The following PRDM2 variants were observed in gnomAD, a reference collection of about 807,000 sequenced individuals.
The protein encoded by PRDM2 is PR/SET domain 2, also known as PR domain zinc finger protein 2.
PRDM2 carries 30 observed loss-of-function variants against 130.0 expected under a neutral mutation model. The observed-to-expected ratio is 0.23, with a 90% CI of 0.17 to 0.31. The LOEUF (loss-of-function observed/expected upper bound fraction) is 0.31, where lower values mean the gene tolerates loss of function less well. PRDM2 is among the 10% of genes least tolerant of loss of function. The pLI is 1.00. For missense variants in PRDM2, 2,011 were observed against 2,108.4 expected (o/e 0.95, Z 0.90); for synonymous variants, 871 against 782.4 (o/e 1.11, Z -1.89).
chr1:13,755,947 CT>C (rs1643940066), intron 6 of PRDM2, among the ~76,000 whole-genome samples: 1 of 151,872 alleles, frequency 6.6e-6, no homozygotes, highest in Non-Finnish European at 1.5e-5. Context: ...TTAAAGTTGC[CT>C]CTAAAGAATT....
intron 5 of PRDM2, among the ~76,000 whole-genome samples, chr1:13,744,396 G>C (rs1044049385): frequency 2.0e-5 from 3 of 152,216 alleles, no homozygotes; most frequent in African/African-American, 7.2e-5. Context: ...ATGATTGCAT[G>C]GGTGAATACG....
At chr1:13,736,810 A>G (rs1050204259) in intron 4 of PRDM2, among the ~76,000 whole-genome samples, 2 of 152,130 alleles carry the variant, frequency 1.3e-5, no homozygotes, top group African/African-American at 2.4e-5. Flanking sequence ...ATTTTTGTAG[A>G]GGAAAACCAG....
At chr1:13,743,268 C>T (rs993194601) in intron 5 of PRDM2, among the ~76,000 whole-genome samples, 12 of 151,856 alleles carry the variant, frequency 7.9e-5, no homozygotes, top group African/African-American at 2.7e-4. Context: ...GGCATGGTGG[C>T]GGGCACCTGT....
At chr1:13,743,399 CAAAAAAAAAAAAAAA>C (rs70984282) in intron 5 of PRDM2, among the ~76,000 whole-genome samples, 40 of 41,786 alleles carry the variant, frequency 9.6e-4, no homozygotes, top group Non-Finnish European at 1.6e-3. Flanking sequence ...GACTCTGTCT[CAAAAAAAAAAAAAAA>C]AAAAAAAAAA....
intron 6 of PRDM2, among the ~76,000 whole-genome samples, chr1:13,751,475 A>G (rs1016687449): frequency 6.6e-6 from 1 of 152,050 alleles, no homozygotes; most frequent in African/African-American, 2.4e-5. Flanking sequence ...CTTTTAAATT[A>G]AATACTCAGT....
intron 9 of PRDM2, among the ~76,000 whole-genome samples, chr1:13,820,708 G>A (rs1054077737): frequency 2.0e-5 from 3 of 151,728 alleles, no homozygotes; most frequent in African/African-American, 7.3e-5. Flanking sequence ...CATCTCCCTT[G>A]TATGAGAGCT....
chr1:13,784,302 A>G (rs1382780635), intron 8 of PRDM2, among the ~76,000 whole-genome samples: 1 of 152,178 alleles, frequency 6.6e-6, no homozygotes, highest in African/African-American at 2.4e-5. Flanking sequence ...GTGGTGCCAC[A>G]CCAACAGGAC....
chr1:13,805,895 C>T (rs542703514), intron 8 of PRDM2, among the ~76,000 whole-genome samples: 5 of 152,214 alleles, frequency 3.3e-5, no homozygotes, highest in Admixed American at 3.3e-4. Context: ...GACCCTGGAG[C>T]CCTGGAGAGC....
intron 8 of PRDM2, among the ~76,000 whole-genome samples, chr1:13,802,323 G>T (rs568424571): frequency 6.6e-6 from 1 of 152,312 alleles, no homozygotes; most frequent in East Asian, 1.9e-4. Context: ...AGACAAGCTG[G>T]TTTTGACCTC....
At chr1:13,763,340 C>G (rs1644148216) in intron 6 of PRDM2, among the ~76,000 whole-genome samples, 1 of 152,166 alleles carries the variant, frequency 6.6e-6, no homozygotes, top group African/African-American at 2.4e-5. Flanking sequence ...TGATGTGTAG[C>G]ATGGAATTGA....
At chr1:13,818,665 G>A (rs1402034554) in intron 9 of PRDM2, among the ~76,000 whole-genome samples, 3 of 151,998 alleles carry the variant, frequency 2.0e-5, no homozygotes, top group Non-Finnish European at 4.4e-5. Context: ...GATTACAGGC[G>A]TGAGCCACCG....
At chr1:13,742,886 T>G (rs1439131452) in intron 5 of PRDM2, among the ~76,000 whole-genome samples, 1 of 152,220 alleles carries the variant, frequency 6.6e-6, no homozygotes, top group Non-Finnish European at 1.5e-5. Context: ...TAAATTTTAC[T>G]CAGAATACAA....
At chr1:13,767,619 A>T (rs1406067663) in intron 6 of PRDM2, among the ~76,000 whole-genome samples, 1 of 152,044 alleles carries the variant, frequency 6.6e-6, no homozygotes, top group Non-Finnish European at 1.5e-5. Flanking sequence ...GCAAGTCTTT[A>T]TGCAACTTTT....
intron 4 of PRDM2, among the ~76,000 whole-genome samples, chr1:13,740,522 G>A (rs1051940433): frequency 6.6e-6 from 1 of 152,226 alleles, no homozygotes; most frequent in Non-Finnish European, 1.5e-5. Context: ...CTGTTACGCA[G>A]TAGGTGCTCA....
intron 7 of PRDM2, among the ~76,000 whole-genome samples, chr1:13,774,860 C>T (rs115958653): frequency 0.014 from 2,166 of 151,284 alleles, 35 homozygotes; most frequent in South Asian, 0.083. Flanking sequence ...GCCTGTAGTC[C>T]GGGAGGCTGA....
intron 1 of PRDM2, among the ~76,000 whole-genome samples, chr1:13,712,630 G>A (rs948628348): frequency 1.3e-5 from 2 of 152,126 alleles, no homozygotes; most frequent in Non-Finnish European, 2.9e-5. Context: ...GGTGGCACGT[G>A]CCTGTAGTAC....
At chr1:13,754,816 G>C (rs1004058807) in intron 6 of PRDM2, among the ~76,000 whole-genome samples, 1 of 152,214 alleles carries the variant, frequency 6.6e-6, no homozygotes, top group African/African-American at 2.4e-5. Flanking sequence ...GTTCCTGTTT[G>C]CAGGTGCTGG....
In PRDM2 at chr1:13,782,249, C is replaced by T. The variant is rs1376470237; in HGVS notation, c.4454C>T (p.Pro1485Leu). ...AFSCPKKPLS[P>L]PKKKVSHSSK... ...AGCTGTCCCAAAAAACCCCTTTCTC[C>T]TCCCAAAAAAAAAGTTTCTCATTCA... Residue 1485 changes from proline (P) to leucine (L), a missense_variant, in exon 8 of 10, where the codon CCT becomes CTT. By Grantham distance (98) the Pro-to-Leu change is moderately conservative. This residue lies in a region of PRDM2 where 410 missense variants were observed against 395.9 expected (regional missense o/e 1.04). Coordinates refer to ENST00000311066, the MANE Select transcript of PRDM2 (RefSeq NM_001393986.1). The T allele has an allele frequency of 1.9e-6, 3 of 1,613,036 alleles. No individual in the cohort carries two copies. Among genetic ancestry groups the T allele is most frequent in the Non-Finnish European group, 2.5e-6 (3 of 1,179,852 alleles).
chr1:13,737,788 T>A lies in PRDM2; in HGVS notation c.232-4217T>A, dbSNP rs1349174157. ...CTTGGTCTGGTGTAAAAAAAAAAACTCTCTTTGGGAGTTTATTTATTCATT... is the reference window on the plus strand; with the variant it reads ...CTTGGTCTGGTGTAAAAAAAAAAACACTCTTTGGGAGTTTATTTATTCATT... On this transcript the variant is annotated intron_variant, in intron 4 of 9. Coordinates refer to ENST00000311066, the MANE Select transcript of PRDM2 (RefSeq NM_001393986.1). Among the ~76,000 whole-genome samples, 4 of 152,162 alleles carry A rather than the reference T, an allele frequency of 2.6e-5. No homozygotes were observed. In the East Asian group the frequency reaches 7.7e-4, roughly 29 times the overall value.
Sources: gnomAD v4.1 joint callset for allele counts (sites outside exome capture counted in the v4.1 genomes callset) on GRCh38, gnomAD v4.1.1 for gene constraint, gnomAD v4.1.1 regional missense constraint, MANE v1.5 for transcripts, NCBI Gene and HGNC (gene_info 2026-07-23, HGNC 2026-07-21) for gene names.